CCDC33: variants seen among roughly 807,000 people sequenced by gnomAD.
CCDC33 encodes coiled-coil domain-containing protein 33.
A neutral mutation model predicts 91.9 loss-of-function variants in CCDC33; 94 were observed. The observed-to-expected ratio is 1.02, with a 90% confidence interval of 0.87 to 1.21. The LOEUF is 1.21. Ranked by LOEUF, CCDC33 falls within the 50% of genes most tolerant of loss-of-function variation. The pLI, the probability that CCDC33 is intolerant of heterozygous loss-of-function variation, is 0.00. For synonymous variants in CCDC33, 396 were observed against 374.5 expected (o/e 1.06, Z -0.66); for missense variants, 940 against 935.5 (o/e 1.00, Z -0.06).
intron 2 of CCDC33, among the ~76,000 whole-genome samples, chr15:74,249,217 C>T (rs773112436): frequency 6.6e-6 from 1 of 152,038 alleles, no homozygotes; most frequent in Non-Finnish European, 1.5e-5. Flanking sequence ...CCGGGTGCAG[C>T]GGCTCACACC....
chr15:74,249,169 C>G (rs1407498869), intron 2 of CCDC33, among the ~76,000 whole-genome samples: 2 of 152,166 alleles, frequency 1.3e-5, no homozygotes, highest in South Asian at 2.1e-4. Context: ...TTTTATCAGC[C>G]CGCCCAGCTG....
intron 5 of CCDC33, among the ~76,000 whole-genome samples, chr15:74,269,075 CATCACCATCCACCCCCT>C (rs2076246434): frequency 6.6e-6 from 1 of 152,218 alleles, no homozygotes; most frequent in African/African-American, 2.4e-5. Flanking sequence ...CCCCTTGACC[CATCACCATCCACCCCCT>C]AGGCCAATTA....
rs2059369934 is a variant in CCDC33 at position 74,281,783 on chromosome 15, C to T, written c.1029C>T (p.Thr343=). ...TGCTCCCTTTTCCTCCCCAGGACAC[C>T]AGCCTGAAAACTATCAATGATGAGG... The part of the protein sequence containing the change: ...LHVERLPIMD[T]SLKTINDEAP... The change falls in exon 10 of 19, where the codon ACC becomes ACT. Residue 343 remains threonine, a synonymous_variant. Transcript: ENST00000398814. The T allele has an allele frequency of 1.2e-6, 2 of 1,613,696 alleles. No individual in the cohort carries two copies. The highest frequency in any genetic ancestry group is 1.7e-6 in the Non-Finnish European group (2 of 1,179,834).
At chr15:74,226,002 A>G (rs1442342518) in intron 2 of CCDC33, among the ~76,000 whole-genome samples, 2 of 152,114 alleles carry the variant, frequency 1.3e-5, no homozygotes, top group African/African-American at 2.4e-5. Flanking sequence ...CTCCACCTGG[A>G]CCTGACAGCC....
intron 2 of CCDC33, among the ~76,000 whole-genome samples, chr15:74,260,396 C>G (rs1173280412): frequency 2.0e-5 from 3 of 152,204 alleles, no homozygotes; most frequent in Non-Finnish European, 4.4e-5. Context: ...CTCCGGCTCT[C>G]TGGGAGATGC....
chr15:74,207,607 A>G, intron 1 of CCDC33: 1 of 1,262,174 alleles, frequency 7.9e-7, no homozygotes, highest in South Asian at 1.3e-5. Flanking sequence ...TACAATACTC[A>G]AACCTCAGGT....
upstream of CCDC33, among the ~76,000 whole-genome samples, chr15:74,235,189 G>A (rs752815188): frequency 5.3e-5 from 8 of 152,190 alleles, no homozygotes; most frequent in Non-Finnish European, 1.0e-4. Context: ...AGGCCTAGAC[G>A]GGGAGAAAAT....
chr15:74,332,738 G>A lies in CCDC33; in HGVS notation c.1831G>A (p.Val611Ile), dbSNP rs1290165200. The change falls in exon 16 of 19, where the codon GTT becomes ATT. Residue 611 changes from valine to isoleucine, a missense_variant. Val to Ile is a conservative substitution (Grantham distance 29). Coordinates refer to ENST00000398814, the MANE Select transcript of CCDC33 (RefSeq NM_025055.5). ...GGGTTCTATGGGAGAGAACCTGCCG[G>A]TTGAACTTTACTCGGTGCTGCTGGC... is the stretch of plus-strand genomic sequence containing the variant. ...PLGSMGENLPVELYSVLLAEN... is the reference protein window; with the variant it reads ...PLGSMGENLPIELYSVLLAEN... The A allele has an allele frequency of 1.2e-6, 2 of 1,614,236 alleles. No individual in the cohort carries two copies. The highest frequency in any genetic ancestry group is 1.7e-6 in the Non-Finnish European group (2 of 1,180,034).
intron 11 of CCDC33, among the ~76,000 whole-genome samples, chr15:74,309,652 A>C (rs896228244): frequency 6.6e-6 from 1 of 152,010 alleles, no homozygotes; most frequent in Non-Finnish European, 1.5e-5. Context: ...ACAGTGTAGG[A>C]GAGTGCAGAG....
chr15:74,268,537 T>C, intron 5 of CCDC33, 79 bp downstream of exon 5: 2 of 1,113,476 alleles, frequency 1.8e-6, no homozygotes, highest in Non-Finnish European at 2.7e-6. Flanking sequence ...CGCCTTGCCC[T>C]TAGCCCCCTC....
At chr15:74,232,200 G>T (rs572322329), upstream of CCDC33, among the ~76,000 whole-genome samples, 4 of 152,280 alleles carry the variant, frequency 2.6e-5, no homozygotes, top group East Asian at 7.7e-4. Context: ...GGCGGGGCGA[G>T]AGATTGGGCC....
rs183727278 is a variant in CCDC33 at position 74,271,809 on chromosome 15, G to A, written c.638+15G>A. 2 of 1,606,154 alleles carry A rather than the reference G, an allele frequency of 1.2e-6. No homozygotes were observed. The highest frequency in any genetic ancestry group is 1.7e-6 in the Non-Finnish European group (2 of 1,173,200). On this transcript the variant is annotated intron_variant, in intron 6 of 18. Coordinates refer to ENST00000398814, the MANE Select transcript of CCDC33 (RefSeq NM_025055.5). The stretch of plus-strand genomic sequence containing the variant: ...AAGGAATTTAAGTGAGTGGGGCCCA[G>A]GTGGACCTGGGTGAGGAGGGCAGAG...
chr15:74,216,524 G>T (rs887456155), upstream of CCDC33, among the ~76,000 whole-genome samples: 9 of 75,218 alleles, frequency 1.2e-4, no homozygotes, highest in Non-Finnish European at 2.3e-4. Flanking sequence ...CTGTAGCTGG[G>T]CTGGCCAATA....
chr15:74,248,329 TATATAAG>T (rs1487684196), intron 2 of CCDC33, among the ~76,000 whole-genome samples: 3,906 of 151,278 alleles, frequency 0.026, 175 homozygotes, highest in African/African-American at 0.09. Flanking sequence ...ATATATATTA[TATATAAG>T]TTTACATTCT....
intron 11 of CCDC33, among the ~76,000 whole-genome samples, chr15:74,309,469 C>T (rs1330285940): frequency 6.6e-6 from 1 of 152,192 alleles, no homozygotes; most frequent in Non-Finnish European, 1.5e-5. Flanking sequence ...TTACCTCCTA[C>T]TCGGCTCCCA....
At chr15:74,263,728 T>C (rs2076090398) in intron 3 of CCDC33, among the ~76,000 whole-genome samples, 1 of 152,158 alleles carries the variant, frequency 6.6e-6, no homozygotes, top group African/African-American at 2.4e-5. Context: ...CATGTGTGAA[T>C]GTGGTGTGTG....
chr15:74,318,800 C>T (rs2060148935), intron 11 of CCDC33: 1 of 634,802 alleles, frequency 1.6e-6, no homozygotes, highest in Non-Finnish European at 2.8e-6. Context: ...AGGACCAGGG[C>T]TTTGGCCCTT....
intron 11 of CCDC33, among the ~76,000 whole-genome samples, chr15:74,298,579 A>T (rs560755399): frequency 2.0e-5 from 3 of 152,034 alleles, no homozygotes; most frequent in Non-Finnish European, 2.9e-5. Context: ...CGCTCTTGTT[A>T]TCCAGGCTGG....
rs1488950264 is a variant in CCDC33, at chr15:74,316,158, C to T, written c.1291-14031C>T. Among the ~76,000 whole-genome samples, 2 of 152,174 alleles carry T rather than the reference C, an allele frequency of 1.3e-5. No individual in the cohort carries two copies. The highest frequency in any genetic ancestry group is 6.5e-5 in the Admixed American group (1 of 15,290). ...TATAGATGAAATGCCTGAGACCAGGCGGGAGCCCCTGGGGCCTCCCTGGCT... is the reference window on the plus strand; with the variant it reads ...TATAGATGAAATGCCTGAGACCAGGTGGGAGCCCCTGGGGCCTCCCTGGCT... On this transcript the variant is annotated intron_variant, in intron 11 of 18. Transcript: ENST00000398814. The surrounding 1 kb of genome is among the most constrained non-coding windows in gnomAD (Gnocchi z 4.7).
Sources: gnomAD v4.1 joint callset for allele counts (sites outside exome capture counted in the v4.1 genomes callset) on GRCh38, gnomAD v4.1.1 for gene constraint, Gnocchi (gnomAD v3.1) non-coding constraint, MANE v1.5 for transcripts, NCBI Gene and HGNC (gene_info 2026-07-23, HGNC 2026-07-21) for gene names.